USH2A: variants seen among roughly 807,000 people sequenced by gnomAD.
USH2A encodes Usher syndrome 2A (autosomal recessive, mild).
In USH2A, 443 loss-of-function variants were observed where a neutral mutation model predicts 538.9. The observed-to-expected ratio is 0.82, with a 90% confidence interval of 0.76 to 0.89. USH2A has a LOEUF of 0.89. Ranked by LOEUF, USH2A falls within the 40% of genes least tolerant of loss-of-function variation. USH2A has a pLI of 0.00. For synonymous variants in USH2A, 2,413 were observed against 2,273.5 expected, an observed-to-expected ratio of 1.06 and a Z score of -1.75; for missense variants, 6,633 against 6,324.8, an observed-to-expected ratio of 1.05 and a Z score of -1.65.
intron 21 of USH2A, among the ~76,000 whole-genome samples, chr1:216,099,319 T>A (rs1045239105): frequency 1.3e-5 from 2 of 152,064 alleles, no homozygotes; most frequent in Admixed American, 1.3e-4. Context: ...ACTCTTCCAC[T>A]CCACAGAATA....
Position 215,837,806 on chromosome 1 carries a change from A to G in USH2A, c.9371+185T>C, listed in dbSNP as rs1004469931. On this transcript the variant is annotated intron_variant, in intron 47 of 71. Coordinates refer to ENST00000307340, the MANE Select transcript of USH2A (RefSeq NM_206933.4). The stretch of plus-strand genomic sequence containing the variant: ...GGCTGGGCAATCAGGGAAATTAAAG[A>G]TTAAATGCCATTGGATGTCCAGTGA... Among the ~76,000 whole-genome samples, 6 of 152,372 alleles carry G rather than the reference A, an allele frequency of 3.9e-5. 1 individual carries two copies. The highest frequency in any genetic ancestry group is 2.9e-5 in the Non-Finnish European group (2 of 68,036).
intron 11 of USH2A, among the ~76,000 whole-genome samples, chr1:216,283,092 C>CTGT (rs1211412366): frequency 6.6e-6 from 1 of 151,740 alleles, no homozygotes; most frequent in African/African-American, 2.4e-5. Flanking sequence ...AGGTTTTTTT[C>CTGT]TGTTGTTGTT....
At chr1:215,794,906 A>T (rs1204628232) in intron 50 of USH2A, among the ~76,000 whole-genome samples, 2 of 152,210 alleles carry the variant, frequency 1.3e-5, no homozygotes, top group Non-Finnish European at 2.9e-5. Flanking sequence ...ATTCAGAGTG[A>T]GGGTTTGTAA....
chr1:215,674,720 C>T lies in USH2A; in HGVS notation c.13191G>A (p.Glu4397=), dbSNP rs2009923. The change falls in exon 63 of 72, where the codon GAG becomes GAA. Residue 4397 remains glutamate (E), a synonymous_variant. Coordinates refer to ENST00000307340, the MANE Select transcript of USH2A (RefSeq NM_206933.4). ...TKYLVRYDNK[E]SLAGQGLCLL... Reference sequence around the variant, plus strand: ...GGCACAGGCCCTGGCCAGCAAGGGACTCTTTATTATCATATCTAACTAAAT... The same window carrying T: ...GGCACAGGCCCTGGCCAGCAAGGGATTCTTTATTATCATATCTAACTAAAT... 310,993 of 1,613,934 alleles carry T rather than the reference C, an allele frequency of 0.19. 32,233 individuals carry two copies. Among genetic ancestry groups the T allele is most frequent in the East Asian group, 0.37 (16,480 of 44,826 alleles).
chr1:216,057,706 G>T (rs915925321), intron 30 of USH2A, among the ~76,000 whole-genome samples: 1 of 151,480 alleles, frequency 6.6e-6, no homozygotes, highest in Non-Finnish European at 1.5e-5. Flanking sequence ...AAAAAAGTTC[G>T]TAATAAACTA....
intron 46 of USH2A, 142 bp downstream of exon 46, chr1:215,844,152 A>C: frequency 1.2e-6 from 1 of 867,768 alleles, no homozygotes; most frequent in Non-Finnish European, 1.8e-6. Flanking sequence ...TTTAATTCTG[A>C]TCAATTTCCC....
chr1:215,928,807 C>A (rs186748658), intron 38 of USH2A, among the ~76,000 whole-genome samples: 1 of 151,992 alleles, frequency 6.6e-6, no homozygotes, highest in Admixed American at 6.6e-5. Context: ...TGGAGTGACT[C>A]GTTACACAGC....
rs139755985 is a variant in USH2A, at chr1:216,365,488, G to C, written c.652-403C>G. Reference sequence around the variant, plus strand: ...AATTAAAACCAGATATAACAACAAAGAATTGCATGTGGATATAATTCAAGT... The same window carrying C: ...AATTAAAACCAGATATAACAACAAACAATTGCATGTGGATATAATTCAAGT... On this transcript the variant is annotated intron_variant, in intron 3 of 71. Coordinates refer to ENST00000307340, the MANE Select transcript of USH2A (RefSeq NM_206933.4). 2.2e-4 allele frequency among the ~76,000 whole-genome samples: 34 copies of C among 152,236 alleles called. No individual in the cohort carries two copies. In the East Asian group the frequency reaches 6.2e-3, roughly 28 times the overall value.
At chr1:215,877,484 T>A (rs1664799847) in intron 43 of USH2A, among the ~76,000 whole-genome samples, 1 of 152,172 alleles carries the variant, frequency 6.6e-6, no homozygotes, top group Non-Finnish European at 1.5e-5. Flanking sequence ...ACGTTTTATG[T>A]CTAGATGGAG....
chr1:215,858,355 A>T (rs1037424358), intron 44 of USH2A, among the ~76,000 whole-genome samples: 1 of 151,662 alleles, frequency 6.6e-6, no homozygotes, highest in South Asian at 2.1e-4. Context: ...CCCATGTGTC[A>T]AGGGCAGGAC....
intron 4 of USH2A, among the ~76,000 whole-genome samples, chr1:216,349,208 A>T (rs549431128): frequency 4.6e-5 from 7 of 152,236 alleles, no homozygotes; most frequent in African/African-American, 1.4e-4. Flanking sequence ...TATCCCAAAG[A>T]CAAGAGACCC....
intron 58 of USH2A, among the ~76,000 whole-genome samples, chr1:215,749,889 C>G (rs1301134780): frequency 1.3e-5 from 2 of 152,142 alleles, no homozygotes; most frequent in Non-Finnish European, 2.9e-5. Flanking sequence ...TTTACAACAA[C>G]TAGATGCTGA....
chr1:215,949,459 A>G (rs1205960202), intron 37 of USH2A, among the ~76,000 whole-genome samples: 1 of 151,890 alleles, frequency 6.6e-6, no homozygotes, highest in African/African-American at 2.4e-5. Flanking sequence ...AAGAACTAAG[A>G]CCTTTTAACA....
chr1:216,391,774 C>G (rs920254918), intron 3 of USH2A, among the ~76,000 whole-genome samples: 1 of 152,156 alleles, frequency 6.6e-6, no homozygotes, highest in Non-Finnish European at 1.5e-5. Flanking sequence ...GGTTGTTTCC[C>G]CTTGGGCGCT....
chr1:216,302,188 A>C (rs942347760), intron 9 of USH2A, among the ~76,000 whole-genome samples: 7 of 152,266 alleles, frequency 4.6e-5, no homozygotes, highest in Non-Finnish European at 1.0e-4. Flanking sequence ...GAATCTAGAC[A>C]GAAAATGGCT....
At chr1:215,901,615 C>A (rs1325523) in intron 38 of USH2A, among the ~76,000 whole-genome samples, 6,158 of 152,164 alleles carry the variant, frequency 0.04, 135 homozygotes, top group Middle Eastern at 0.071. Flanking sequence ...GAGTCTCCGG[C>A]AAATCTGTTC....
intron 50 of USH2A, among the ~76,000 whole-genome samples, chr1:215,797,984 A>T (rs1662192898): frequency 6.6e-6 from 1 of 152,224 alleles, no homozygotes; most frequent in Admixed American, 6.5e-5. Context: ...TTCATGATTC[A>T]TGGGAAGAAG....
At position 215,648,725 on chromosome 1, in the gene USH2A, A is replaced by C. The variant is rs1656944918; in HGVS notation, c.14385T>G (p.Leu4795=). The C allele has an allele frequency of 6.2e-7, 1 of 1,614,174 alleles. No homozygotes were observed. The change falls in exon 66 of 72, where the codon CTT becomes CTG. Residue 4795 remains leucine (L), a synonymous_variant. Transcript: ENST00000307340. ...GMATQQTLHG[L]QAFTNYSIGV... is the part of the protein sequence containing the mutation. Reference sequence around the variant, plus strand: ...CAATAGAGTAGTTAGTGAAGGCTTGAAGGCCATGGAGAGTCTGCTGGGTGG... The same window carrying C: ...CAATAGAGTAGTTAGTGAAGGCTTGCAGGCCATGGAGAGTCTGCTGGGTGG...
At chr1:216,069,425 G>GT (rs908654717) in intron 30 of USH2A, among the ~76,000 whole-genome samples, 7 of 151,740 alleles carry the variant, frequency 4.6e-5, no homozygotes, top group South Asian at 4.2e-4. Context: ...AGAGGAAAAT[G>GT]TTTTTTTTCT....
Sources: gnomAD v4.1 joint callset for allele counts (sites outside exome capture counted in the v4.1 genomes callset) on GRCh38, gnomAD v4.1.1 for gene constraint, MANE v1.5 for transcripts, NCBI Gene and HGNC (gene_info 2026-07-23, HGNC 2026-07-21) for gene names.